Variants in SASH1 observed in about 807,000 individuals in gnomAD.
The protein encoded by SASH1 is SAM and SH3 domain-containing protein 1.
Under a neutral mutation model 125.2 loss-of-function variants are expected in SASH1, and 44 were observed. That is an observed-to-expected ratio of 0.35 (90% CI 0.28 to 0.45). SASH1 has a LOEUF of 0.45. Among genes scored for constraint, SASH1 ranks in the 20% least tolerant of loss-of-function variants. The pLI is 1.00. For synonymous variants in SASH1, 639 were observed against 649.1 expected, an observed-to-expected ratio of 0.98 and a Z score of 0.24; for missense variants, 1,426 against 1,614.5, an observed-to-expected ratio of 0.88 and a Z score of 2.00.
the SASH1 span, among the ~76,000 whole-genome samples, chr6:148,215,828 G>T: frequency 6.6e-6 from 1 of 151,962 alleles, no homozygotes; most frequent in Admixed American, 6.6e-5. Context: ...AGAGCTAGCA[G>T]AAATATCTAC....
At chr6:148,484,456 AAATTAT>A (rs1778755970) in intron 7 of SASH1, among the ~76,000 whole-genome samples, 1 of 152,230 alleles carries the variant, frequency 6.6e-6, no homozygotes. Flanking sequence ...TGCCTTCATG[AAATTAT>A]AATTAAACCA....
rs887998619 is a variant in SASH1 at position 148,544,957 on chromosome 6, A to G, written c.3348+139A>G. ...GAGACACCTGAATCCACGTGTCCAC[A>G]CCTTACTTGACATGCATGTGTTCAG... On this transcript the variant is annotated intron_variant, in intron 18 of 19. Transcript: ENST00000367467. The surrounding 1 kb of genome is among the most constrained non-coding windows in gnomAD (Gnocchi z 6.4). The G allele has an allele frequency of 4.4e-6, 3 of 684,386 alleles. No homozygotes were observed. Among genetic ancestry groups the G allele is most frequent in the Admixed American group, 3.0e-5 (1 of 33,782 alleles). The allele number at this position is 684,386 out of a possible 1,614,324, so 42.4% of individuals were successfully genotyped here.
At chr6:148,284,211 G>A (rs749685958) in intron 1 of SASH1, among the ~76,000 whole-genome samples, 2 of 152,156 alleles carry the variant, frequency 1.3e-5, no homozygotes, top group South Asian at 4.1e-4. Flanking sequence ...GGCCGAGGCG[G>A]GCAGATCACC....
chr6:148,263,289 T>C, the SASH1 span, among the ~76,000 whole-genome samples: 3 of 152,150 alleles, frequency 2.0e-5, no homozygotes, highest in African/African-American at 7.2e-5. Context: ...GGAGAGCCCA[T>C]CCTTGCATTC....
Position 148,440,193 on chromosome 6 carries a change from G to T in SASH1, c.295G>T (p.Asp99Tyr). Reference sequence around the variant, plus strand: ...ATCTGTTCTGTTTTAGGAGAAACCCGATGCTAGCCCCACGTCACTTCAGCT... The same window carrying T: ...ATCTGTTCTGTTTTAGGAGAAACCCTATGCTAGCCCCACGTCACTTCAGCT... Reference protein sequence around the residue: ...VSQDLEVEKPDASPTSLQLRS... With the variant: ...VSQDLEVEKPYASPTSLQLRS... Residue 99 changes from aspartate to tyrosine, a missense_variant, in exon 3 of 20, where the codon GAT (aspartate) becomes TAT (tyrosine). By Grantham distance (160) the Asp-to-Tyr change is radical. Around this residue, in one of 3 missense-constraint regions of SASH1, gnomAD observed 567 missense variants for 575.6 expected, o/e 0.99. Transcript: ENST00000367467. 2 of 1,613,936 alleles carry T rather than the reference G, an allele frequency of 1.2e-6. No homozygotes were observed. Among genetic ancestry groups the T allele is most frequent in the Middle Eastern group, 3.3e-4 (2 of 6,062 alleles).
chr6:148,297,675 A>G lies in SASH1; in HGVS notation n.74+25298A>G, dbSNP rs530397293. 2.6e-5 allele frequency among the ~76,000 whole-genome samples: 4 copies of G among 152,184 alleles called. No homozygotes were observed. The South Asian group carries it at 6.2e-4, about 24-fold the overall frequency. On this transcript the variant is annotated intron_variant and non_coding_transcript_variant, in intron 1 of 3. Transcript: ENST00000367469. ...AAACACTGTCTCCACTGAAATACAA[A>G]AGAAATTAGCTGGGTGTGGCAGCGT...
Position 148,527,469 on chromosome 6 carries a change from T to C in SASH1, c.1301T>C (p.Phe434Ser). ...GTTTTACAGGGTAAAGAAGGAGACT[T>C]TGTGTACAAAGAAGTCATCAAATCA... ...NSDPMGKEGD[F>S]VYKEVIKSPT... The change falls in exon 12 of 20, where the codon TTT becomes TCT. Residue 434 changes from phenylalanine to serine, a missense_variant. Phe to Ser is a radical substitution (Grantham distance 155). Transcript: ENST00000367467. The C allele has an allele frequency of 6.2e-7, 1 of 1,600,398 alleles. No individual in the cohort carries two copies. The highest frequency in any genetic ancestry group is 8.5e-7 in the Non-Finnish European group (1 of 1,176,300).
intron 1 of SASH1, among the ~76,000 whole-genome samples, chr6:148,317,559 G>A (rs182961692): frequency 7.2e-4 from 110 of 152,292 alleles, no homozygotes; most frequent in African/African-American, 2.6e-3. Context: ...CGAGTAGCTG[G>A]GATTACAGGC....
At chr6:148,361,968 C>T (rs549583125) in intron 1 of SASH1, among the ~76,000 whole-genome samples, 675 of 142,308 alleles carry the variant, frequency 4.7e-3, no homozygotes, top group Non-Finnish European at 6.5e-3. Flanking sequence ...GGCTGGAGTG[C>T]AGTGGCGCGA....
intron 1 of SASH1, among the ~76,000 whole-genome samples, chr6:148,290,416 C>G (rs922308152): frequency 6.6e-6 from 1 of 151,112 alleles, no homozygotes; most frequent in African/African-American, 2.4e-5. Flanking sequence ...ACCATCCTGG[C>G]TAACAGAGTG....
At chr6:148,373,017 C>A (rs1037347580) in intron 1 of SASH1, among the ~76,000 whole-genome samples, 2 of 151,978 alleles carry the variant, frequency 1.3e-5, no homozygotes, top group African/African-American at 4.8e-5. Flanking sequence ...CATGGAGAAA[C>A]CCTGTCTCTA....
chr6:148,463,286 A>T (rs745905476), intron 4 of SASH1, among the ~76,000 whole-genome samples: 2 of 151,994 alleles, frequency 1.3e-5, no homozygotes, highest in African/African-American at 4.8e-5. Flanking sequence ...CTGCGATTAC[A>T]GGTGCTCTCC....
rs140254763 is a variant in SASH1, at chr6:148,474,144, G to C, written c.549G>C (p.Thr183=). The change falls in exon 7 of 20, where the codon ACG becomes ACC. Residue 183 remains threonine, a synonymous_variant. Coordinates refer to ENST00000367467, the MANE Select transcript of SASH1 (RefSeq NM_015278.5). The stretch of plus-strand genomic sequence containing the variant: ...TTGGTTATGTTGCCAGTGAAATAAC[G>C]ATGAGCGATGAGGAGCGGATTCAGC... ...EDVGYVASEI[T]MSDEERIQLM... 3.1e-5 allele frequency: 50 copies of C among 1,611,932 alleles called. No individual in the cohort carries two copies. The African/African-American group carries it at 6.1e-4, about 20-fold the overall frequency.
At position 148,543,886 on chromosome 6, in the gene SASH1, G is replaced by T. The variant is rs1160828003; in HGVS notation, c.2416G>T (p.Gly806Cys). 1.2e-6 allele frequency: 2 copies of T among 1,614,048 alleles called. No homozygotes were observed. The highest frequency in any genetic ancestry group is 1.3e-5 in the African/African-American group (1 of 74,900). ...SKSCDPPGVT[G>C]LNKNRRSLPV... is the part of the protein sequence containing the mutation. ...GAGCTGTGACCCACCTGGTGTGACT[G>T]GTTTGAATAAAAACCGAAGAAGCCT... Residue 806 changes from glycine (G) to cysteine (C), a missense_variant, in exon 18 of 20, where the codon GGT becomes TGT. By Grantham distance (159) the Gly-to-Cys change is radical. Around this residue, in one of 3 missense-constraint regions of SASH1, gnomAD observed 634 missense variants for 694.4 expected, o/e 0.91. Transcript: ENST00000367467.
At chr6:148,383,703 G>A (rs913580279) in intron 1 of SASH1, among the ~76,000 whole-genome samples, 7 of 152,198 alleles carry the variant, frequency 4.6e-5, no homozygotes, top group East Asian at 1.9e-4. Context: ...GGAAAGAAGC[G>A]CAGAAATAAC....
intron 1 of SASH1, among the ~76,000 whole-genome samples, chr6:148,297,303 G>C (rs1292289318): frequency 6.6e-6 from 1 of 152,176 alleles, no homozygotes; most frequent in African/African-American, 2.4e-5. Flanking sequence ...GCATAAAGAG[G>C]ATGGTAAAAT....
intron 9 of SASH1, among the ~76,000 whole-genome samples, chr6:148,518,232 C>G (rs1441539979): frequency 6.6e-6 from 1 of 152,062 alleles, no homozygotes; most frequent in African/African-American, 2.4e-5. Context: ...CTTTAAAGTC[C>G]CCCTGAAAGA....
chr6:148,301,103 G>A (rs1779929432), intron 1 of SASH1, among the ~76,000 whole-genome samples: 1 of 151,826 alleles, frequency 6.6e-6, no homozygotes, highest in Non-Finnish European at 1.5e-5. Context: ...AAGGCCAGCA[G>A]ATAAACTGCA....
chr6:148,303,303 T>A (rs1423966342), intron 1 of SASH1, among the ~76,000 whole-genome samples: 1 of 152,072 alleles, frequency 6.6e-6, no homozygotes, highest in Non-Finnish European at 1.5e-5. Context: ...AAAATAAATC[T>A]ATGACTCCAT....
Sources: gnomAD v4.1 joint callset for allele counts (sites outside exome capture counted in the v4.1 genomes callset) on GRCh38, gnomAD v4.1.1 for gene constraint, gnomAD v4.1.1 regional missense constraint, Gnocchi (gnomAD v3.1) non-coding constraint, MANE v1.5 for transcripts, NCBI Gene and HGNC (gene_info 2026-07-23, HGNC 2026-07-21) for gene names.